The following SSMEM1 variants were observed in gnomAD, a reference collection of about 807,000 sequenced individuals.
SSMEM1 encodes the protein serine-rich single-pass membrane protein 1.
SSMEM1 carries 12 observed loss-of-function variants against 9.9 expected under a neutral mutation model. The observed-to-expected ratio is 1.21, with a 90% confidence interval of 0.78 to 1.96. The LOEUF (loss-of-function observed/expected upper bound fraction) is 1.96, where lower values mean the gene tolerates loss of function less well. Among genes scored for constraint, SSMEM1 ranks in the 30% most tolerant of loss-of-function variants. SSMEM1 has a pLI of 0.00. For synonymous variants in SSMEM1, 96 were observed against 98.9 expected (o/e 0.97, Z 0.17); for missense variants, 259 against 292.2 (o/e 0.89, Z 0.83).
At chr7:130,213,716 A>G (rs1351884196) in intron 2 of SSMEM1, among the ~76,000 whole-genome samples, 182 bp downstream of exon 2, 1 of 145,568 alleles carries the variant, frequency 6.9e-6, no homozygotes, top group African/African-American at 2.5e-5. Context: ...AAAAAAAAAG[A>G]AAAGAAAAGA....
chr7:130,208,349 C>T (rs894291435), intron 1 of SSMEM1, among the ~76,000 whole-genome samples: 6 of 152,130 alleles, frequency 3.9e-5, no homozygotes, highest in African/African-American at 1.4e-4. Context: ...GTTTTTTTCT[C>T]TGCCTTTCCC....
chr7:130,213,692 C>CAAAAAA lies in SSMEM1; in HGVS notation c.238+175_238+180dup, dbSNP rs1179465068. Among the ~76,000 whole-genome samples, 461 of 78,732 alleles carry CAAAAAA rather than the reference C, an allele frequency of 5.9e-3. 9 individuals carry two copies. The highest frequency in any genetic ancestry group is 6.8e-3 in the Non-Finnish European group (286 of 42,202). 51.7% of individuals were successfully genotyped at this position (78,732 alleles called of 152,430 possible). ...TTGAGAACATAGTGAGACCCAGTAC[C>CAAAAAA]AAAAAAAAAAAAAAAAAAAAAAGAA... is the stretch of plus-strand genomic sequence containing the variant. On this transcript the variant is annotated intron_variant, in intron 2 of 2. Coordinates refer to ENST00000297819, the MANE Select transcript of SSMEM1 (RefSeq NM_145268.4).
At position 130,216,636 on chromosome 7, in the gene SSMEM1, C is replaced by CAAAA; in HGVS notation, c.*174_*177dup. 3.3e-6 allele frequency: 2 copies of CAAAA among 608,682 alleles called. No homozygotes were observed. The highest frequency in any genetic ancestry group is 2.0e-5 in the African/African-American group (1 of 49,188). The allele number at this position is 608,682 out of a possible 1,614,324, so 37.7% of individuals were successfully genotyped here. ...GTAAAATCTCACACAATTCTTCGTT[C>CAAAA]AAAAAAAAAAAGGCCATCACGTGTT... On this transcript the variant is annotated 3_prime_UTR_variant, in exon 3 of 3. Transcript: ENST00000297819.
chr7:130,210,826 T>C (rs1798577898), intron 1 of SSMEM1, among the ~76,000 whole-genome samples: 1 of 152,236 alleles, frequency 6.6e-6, no homozygotes, highest in Non-Finnish European at 1.5e-5. Flanking sequence ...ATTTTGTGGC[T>C]ATGTTTTGAT....
At chr7:130,209,485 C>T (rs1798551902) in intron 1 of SSMEM1, among the ~76,000 whole-genome samples, 1 of 152,162 alleles carries the variant, frequency 6.6e-6, no homozygotes, top group African/African-American at 2.4e-5. Context: ...TCTTAGACTC[C>T]CTAGCTAAGT....
chr7:130,214,061 A>G (rs537549643), intron 2 of SSMEM1, among the ~76,000 whole-genome samples: 1 of 152,202 alleles, frequency 6.6e-6, no homozygotes, highest in African/African-American at 2.4e-5. Context: ...AATAACCTAT[A>G]AGCAGTGGTG....
At position 130,208,021 on chromosome 7, in the gene SSMEM1, C is replaced by A. The variant is rs748520984; in HGVS notation, c.111C>A (p.Thr37=). ...GCTGGAAGGATGACTCTTGTGGAAC[C>A]ATAGGGAGCTTCCTGCTTTGGTATT... ...YECWKDDSCG[T]IGSFLLWYFV... Residue 37 remains threonine (T), a synonymous_variant, in exon 1 of 3, where the codon ACC becomes ACA. Coordinates refer to ENST00000297819, the MANE Select transcript of SSMEM1 (RefSeq NM_145268.4). 3.7e-6 allele frequency: 6 copies of A among 1,614,014 alleles called. No homozygotes were observed. The highest frequency in any genetic ancestry group is 5.1e-6 in the Non-Finnish European group (6 of 1,179,980).
At chr7:130,211,811 G>T (rs1367716178) in intron 1 of SSMEM1, among the ~76,000 whole-genome samples, 1 of 152,046 alleles carries the variant, frequency 6.6e-6, no homozygotes, top group Admixed American at 6.5e-5. Context: ...TGTCGCTCAA[G>T]CTGTATATAC....
intron 2 of SSMEM1, among the ~76,000 whole-genome samples, chr7:130,214,385 C>T (rs1798663673): frequency 1.3e-5 from 2 of 152,174 alleles, no homozygotes; most frequent in East Asian, 3.9e-4. Flanking sequence ...TACACTCCAG[C>T]CTGGGCGGCA....
chr7:130,215,396 A>G (rs1265249703), intron 2 of SSMEM1, among the ~76,000 whole-genome samples: 2 of 152,240 alleles, frequency 1.3e-5, no homozygotes, highest in Non-Finnish European at 2.9e-5. Context: ...CATAGCATAA[A>G]CAAATGTAGT....
Position 130,215,945 on chromosome 7 carries a change from C to T in SSMEM1, c.239-29C>T. 3 of 1,605,886 alleles carry T rather than the reference C, an allele frequency of 1.9e-6. 1 individual carries two copies. In the South Asian group the frequency reaches 3.3e-5, roughly 18 times the overall value. The stretch of plus-strand genomic sequence containing the variant: ...GAATTCATAGTAACCAACAATATTA[C>T]TAACTTGATATGTTTCATTGGTTGT... On this transcript the variant is annotated intron_variant, in intron 2 of 2. Coordinates refer to ENST00000297819, the MANE Select transcript of SSMEM1 (RefSeq NM_145268.4).
chr7:130,213,160 C>G, intron 1 of SSMEM1, among the ~76,000 whole-genome samples: 1 of 151,886 alleles, frequency 6.6e-6, no homozygotes, highest in East Asian at 1.9e-4. Flanking sequence ...CCAGCCTGGC[C>G]AACATGGTGA....
intron 1 of SSMEM1, among the ~76,000 whole-genome samples, chr7:130,212,656 C>T (rs543327090): frequency 1.2e-3 from 182 of 151,328 alleles, no homozygotes; most frequent in Non-Finnish European, 1.9e-3. Context: ...ACCTGGGAGG[C>T]GGAGATTTCA....
At chr7:130,210,084 ACAGAAGGGGAATATACC>A (rs1798564610) in intron 1 of SSMEM1, among the ~76,000 whole-genome samples, 1 of 152,244 alleles carries the variant, frequency 6.6e-6, no homozygotes, top group Non-Finnish European at 1.5e-5. Context: ...AGTGTTAGTG[ACAGAAGGGGAATATACC>A]CAGATTTCCT....
upstream of SSMEM1, among the ~76,000 whole-genome samples, chr7:130,207,388 A>G (rs944243232): frequency 1.3e-5 from 2 of 152,104 alleles, no homozygotes; most frequent in Non-Finnish European, 2.9e-5. Flanking sequence ...GTCTTCTTGT[A>G]AGGATACCAA....
intron 2 of SSMEM1, among the ~76,000 whole-genome samples, chr7:130,214,460 A>AATATATAT (rs1798665377): frequency 6.6e-6 from 1 of 152,026 alleles, no homozygotes; most frequent in African/African-American, 2.4e-5. Context: ...TATATATCAC[A>AATATATAT]CCATTTAAAA....
At position 130,212,768 on chromosome 7, in the gene SSMEM1, AC is replaced by A. The variant is rs113428033; in HGVS notation, c.184-711del. Among the ~76,000 whole-genome samples, 834 of 152,098 alleles carry A rather than the reference AC, an allele frequency of 5.5e-3. 3 individuals carry two copies. The highest frequency in any genetic ancestry group is 0.018 in the African/African-American group (752 of 41,510). On this transcript the variant is annotated intron_variant, in intron 1 of 2. Transcript: ENST00000297819. ...AAAAACAAAAAAACAAAACAAAAAA[AC>A]AACAACTAAACTAATCTGAGTACTA...
At chr7:130,206,983 T>TAAA (rs530574772), upstream of SSMEM1, 2,049 of 109,772 alleles carry the variant, frequency 0.019, 60 homozygotes, top group African/African-American at 0.065. Context: ...GAGACCCTGC[T>TAAA]AAAAAAAAAA....
chr7:130,213,756 CAAAG>C (rs1050030548), intron 2 of SSMEM1, among the ~76,000 whole-genome samples: 7 of 132,436 alleles, frequency 5.3e-5, no homozygotes, highest in African/African-American at 1.4e-4. Flanking sequence ...GAAATAAAGA[CAAAG>C]AAAGAAATTT....
Sources: allele counts gnomAD v4.1 joint callset (sites outside exome capture counted in the v4.1 genomes callset), GRCh38; gene constraint gnomAD v4.1.1; transcripts MANE v1.5; gene names NCBI Gene and HGNC (gene_info 2026-07-23, HGNC 2026-07-21).